Variants in TMPRSS2 observed in about 807,000 individuals in gnomAD.
TMPRSS2 encodes the protein transmembrane protease serine 2.
TMPRSS2 carries 59 observed loss-of-function variants against 67.4 expected under a neutral mutation model. The observed-to-expected ratio is 0.88, with a 90% confidence interval of 0.71 to 1.09. TMPRSS2 has a LOEUF of 1.09. Among genes scored for constraint, TMPRSS2 ranks in the 50% least tolerant of loss-of-function variants. The probability of loss-of-function intolerance (pLI) is 0.00; values close to 1 mark genes in which losing one functional copy is unlikely to be tolerated. For synonymous variants in TMPRSS2, 257 were observed against 257.0 expected, an observed-to-expected ratio of 1.00 and a Z score of 0.00; for missense variants, 668 against 642.7, an observed-to-expected ratio of 1.04 and a Z score of -0.43.
Position 41,464,919 on chromosome 21 carries a change from G to A in TMPRSS2, c.*1223C>T, listed in dbSNP as rs2091072420. 4.3e-6 allele frequency: 1 copy of A among 233,204 alleles called. No homozygotes were observed. The highest frequency in any genetic ancestry group is 2.2e-5 in the African/African-American group (1 of 45,352). 14.4% of individuals were successfully genotyped at this position (233,204 alleles called of 1,614,324 possible). On this transcript the variant is annotated 3_prime_UTR_variant, in exon 14 of 14. Coordinates refer to ENST00000332149, the MANE Select transcript of TMPRSS2 (RefSeq NM_005656.4). Reference sequence around the variant, plus strand: ...GGCCAGGAGGCAGAACCATGGTAGAGTAGTGCTCATGGTTATGGCACTTGG... The same window carrying A: ...GGCCAGGAGGCAGAACCATGGTAGAATAGTGCTCATGGTTATGGCACTTGG...
At chr21:41,503,540 A>G (rs772409422) in intron 1 of TMPRSS2, among the ~76,000 whole-genome samples, 4 of 152,228 alleles carry the variant, frequency 2.6e-5, no homozygotes, top group Admixed American at 6.5e-5. Context: ...CTATGTGGAA[A>G]AGGAATTCAG....
rs769164587 is a variant in TMPRSS2 at position 41,471,960 on chromosome 21, A to T, written c.921T>A (p.His307Gln). The change falls in exon 10 of 14, where the codon CAT becomes CAA. Residue 307 changes from histidine (H) to glutamine (Q), a missense_variant. By Grantham distance (24) the His-to-Gln change is conservative. Transcript: ENST00000332149. ...CVEKPLNNPW[H>Q]WTAFAGILRQ... ...TCAAAATCCCCGCAAATGCCGTCCA[A>T]TGCCATGGATTGTTAAGAGGTCTGG... 33 of 1,610,624 alleles carry T rather than the reference A, an allele frequency of 2.0e-5. No homozygotes were observed. In the South Asian group the frequency reaches 3.6e-4, roughly 18 times the overall value.
In TMPRSS2 at chr21:41,476,584, G is replaced by A. The variant is rs2091215122; in HGVS notation, c.720C>T (p.Arg240=). 6 of 1,613,242 alleles carry A rather than the reference G, an allele frequency of 3.7e-6. No individual in the cohort carries two copies. Among genetic ancestry groups the A allele is most frequent in the Non-Finnish European group, 5.1e-6 (6 of 1,179,836 alleles). Residue 240 remains arginine, a synonymous_variant, in exon 8 of 14, where the codon CGC becomes CGT. Transcript: ENST00000332149. ...GACTCCAGATGAACTTACCTATACAGCGTAAAGAAACCACTGCTTTTGAAG... is the reference window on the plus strand; with the variant it reads ...GACTCCAGATGAACTTACCTATACAACGTAAAGAAACCACTGCTTTTGAAG... ...ACSSKAVVSL[R]CIACGVNLNS...
intron 2 of TMPRSS2, 150 bp downstream of exon 2, chr21:41,497,969 T>G (rs959284580): frequency 3.2e-6 from 2 of 620,346 alleles, no homozygotes; most frequent in Non-Finnish European, 5.7e-6. Flanking sequence ...CCTGACTCAC[T>G]CTTTCTAGAG....
intron 4 of TMPRSS2, 84 bp from the exon 5 acceptor site, chr21:41,488,597 T>C (rs761476964): frequency 3.7e-5 from 53 of 1,445,508 alleles, no homozygotes; most frequent in Non-Finnish European, 5.0e-5. Context: ...GTGGCATTAC[T>C]GTAGCTCGCT....
At chr21:41,503,111 T>C (rs1437396897) in intron 1 of TMPRSS2, among the ~76,000 whole-genome samples, 1 of 152,156 alleles carries the variant, frequency 6.6e-6, no homozygotes, top group Non-Finnish European at 1.5e-5. Context: ...ACAATGCAAT[T>C]TGCAGGAAAA....
At chr21:41,487,851 GGCGTGATCTCA>G (rs2091309438) in intron 5 of TMPRSS2, 1 of 152,540 alleles carries the variant, frequency 6.6e-6, no homozygotes, top group South Asian at 2.1e-4. Flanking sequence ...GGAATGCAGT[GGCGTGATCTCA>G]GCTCACTGCA....
At chr21:41,494,842 G>A (rs896995019) in intron 2 of TMPRSS2, 26 of 448,794 alleles carry the variant, frequency 5.8e-5, no homozygotes, top group Admixed American at 1.8e-4. Context: ...AGGCCGAGGC[G>A]GGCGGATCAT....
rs2091364695 is a variant in TMPRSS2 at position 41,494,518 on chromosome 21, A to G, written c.76T>C (p.Tyr26His). Residue 26 changes from tyrosine (Y) to histidine (H), a missense_variant, in exon 3 of 14, where the codon TAT becomes CAT. Physicochemically the swap from Tyr to His is moderately conservative, Grantham distance 83. Coordinates refer to ENST00000332149, the MANE Select transcript of TMPRSS2 (RefSeq NM_005656.4). ...GGGACCACAGTGGGCTGTGCGGGAT[A>G]GGGGTTTTCCGGTTGGTATCCATGG... ...ENHGYQPENP[Y>H]PAQPTVVPTV... 1 of 1,614,034 alleles carries G rather than the reference A, an allele frequency of 6.2e-7. No homozygotes were observed. Among genetic ancestry groups the G allele is most frequent in the Non-Finnish European group, 8.5e-7 (1 of 1,179,986 alleles).
chr21:41,472,140 T>C (rs2091138961), intron 9 of TMPRSS2, among the ~76,000 whole-genome samples, 159 bp from the exon 10 acceptor site: 1 of 149,694 alleles, frequency 6.7e-6, no homozygotes, highest in African/African-American at 2.5e-5. Flanking sequence ...GGTCTCCCCT[T>C]CTCCCCCACA....
chr21:41,489,553 G>A lies in TMPRSS2; in HGVS notation c.279C>T (p.Thr93=), dbSNP rs2146469499. 6.2e-7 allele frequency: 1 copy of A among 1,614,126 alleles called. No homozygotes were observed. Among genetic ancestry groups the A allele is most frequent in the Non-Finnish European group, 8.5e-7 (1 of 1,179,994 alleles). ...KALCITLTLG[T]FLVGAALAAG... is the part of the protein sequence containing the mutation. ...CGGCCAGCGCAGCTCCCACGAGGAA[G>A]GTCCCCAGGGTCAAGGTGATGCACA... Residue 93 remains threonine (T), a synonymous_variant, in exon 4 of 14, where the codon ACC becomes ACT. Transcript: ENST00000332149.
chr21:41,476,110 G>A (rs2146443992), intron 8 of TMPRSS2, among the ~76,000 whole-genome samples: 1 of 152,290 alleles, frequency 6.6e-6, no homozygotes, highest in East Asian at 1.9e-4. Flanking sequence ...CAGGAGAGAA[G>A]AGGCAAGAGC....
intron 9 of TMPRSS2, among the ~76,000 whole-genome samples, chr21:41,472,482 G>C (rs559699558): frequency 6.6e-6 from 1 of 152,098 alleles, no homozygotes; most frequent in Non-Finnish European, 1.5e-5. Flanking sequence ...AGAGAAGGGA[G>C]CACCCTTGGG....
intron 1 of TMPRSS2, among the ~76,000 whole-genome samples, chr21:41,501,588 GA>G (rs1383754067): frequency 8.1e-4 from 105 of 129,882 alleles, no homozygotes; most frequent in Non-Finnish European, 1.5e-3. Flanking sequence ...CAGCCTGGGT[GA>G]CAGAGAGAGA....
Position 41,468,445 on chromosome 21 carries a change from G to C in TMPRSS2, c.1265C>G (p.Pro422Arg). The change falls in exon 12 of 14, where the codon CCA (proline) becomes CGA (arginine). Residue 422 changes from proline (P) to arginine (R), a missense_variant. By Grantham distance (103) the Pro-to-Arg change is moderately radical (BLOSUM62 -2). Transcript: ENST00000332149. ...SRYVYDNLIT[P>R]AMICAGFLQG... ...CAGGAAGCCGGCACAGATCATGGCT[G>C]GTGTGATCAGGTTGTCATAGACATA... 1 of 1,614,170 alleles carries C rather than the reference G, an allele frequency of 6.2e-7. No homozygotes were observed. The highest frequency in any genetic ancestry group is 8.5e-7 in the Non-Finnish European group (1 of 1,180,036).
chr21:41,482,750 G>A (rs762211562), intron 5 of TMPRSS2, among the ~76,000 whole-genome samples: 1 of 152,164 alleles, frequency 6.6e-6, no homozygotes, highest in Non-Finnish European at 1.5e-5. Flanking sequence ...AATATTATTT[G>A]GTGCTAAAAA....
At chr21:41,483,766 CT>C (rs35641122) in intron 5 of TMPRSS2, among the ~76,000 whole-genome samples, 313 of 140,964 alleles carry the variant, frequency 2.2e-3, no homozygotes, top group East Asian at 7.6e-3. Flanking sequence ...CAAGCTAGTC[CT>C]TTTTTTTTTT....
In TMPRSS2 at chr21:41,473,442, C is replaced by T. The variant is rs1392368867; in HGVS notation, c.782G>A (p.Ser261Asn). 10 of 1,610,214 alleles carry T rather than the reference C, an allele frequency of 6.2e-6. No homozygotes were observed. The highest frequency in any genetic ancestry group is 1.3e-5 in the African/African-American group (1 of 74,894). The change falls in exon 9 of 14, where the codon AGC becomes AAC. Residue 261 changes from serine to asparagine, a missense_variant. Transcript: ENST00000332149. ...SRQSRIVGGE[S>N]ALPGAWPWQV... ...CCAGGGCCAGGCCCCCGGGAGCGCG[C>T]TCTCGCCGCCCACAATCCTGCTCTG...
chr21:41,507,844 G>T, intron 1 of TMPRSS2: 1 of 1,268,076 alleles, frequency 7.9e-7, no homozygotes, highest in Non-Finnish European at 1.0e-6. Context: ...GGGCGGCGAG[G>T]GCTCTCGGCC....
Sources: gnomAD v4.1 joint callset for allele counts (sites outside exome capture counted in the v4.1 genomes callset) on GRCh38, gnomAD v4.1.1 for gene constraint, MANE v1.5 for transcripts, NCBI Gene and HGNC (gene_info 2026-07-23, HGNC 2026-07-21) for gene names.